DPF3: variants seen among roughly 807,000 people sequenced by gnomAD.
The protein encoded by DPF3 is zinc finger protein DPF3.
Under a neutral mutation model 56.8 loss-of-function variants are expected in DPF3, and 18 were observed. That is an observed-to-expected ratio of 0.32 (90% CI 0.22 to 0.47). DPF3 has a LOEUF of 0.47. DPF3 is among the 20% of genes least tolerant of loss of function. The pLI, the probability that DPF3 is intolerant of heterozygous loss-of-function variation, is 1.00. For missense variants in DPF3, 403 were observed against 488.8 expected (o/e 0.82, Z 1.65); for synonymous variants, 188 against 180.2 (o/e 1.04, Z -0.35).
chr14:72,874,454 A>G (rs1175993976), intron 1 of DPF3, among the ~76,000 whole-genome samples: 1 of 151,800 alleles, frequency 6.6e-6, no homozygotes, highest in Non-Finnish European at 1.5e-5. Context: ...ACTCCAGCCT[A>G]GGCAACAGAG....
chr14:72,892,021 C>A, intron 1 of DPF3: 1 of 1,228,296 alleles, frequency 8.1e-7, no homozygotes, highest in Non-Finnish European at 1.1e-6. Flanking sequence ...CCCAAACACG[C>A]ACCCTACTGT....
chr14:72,651,206 C>T lies in DPF3; in HGVS notation c.872-21470G>A, dbSNP rs114659460. ...TGAGGGAGGTGGCCCAGGATGGGGG[C>T]GGGCAGGGGGTCTGGAATCTTGGCA... On this transcript the variant is annotated intron_variant, in intron 8 of 10. Transcript: ENST00000556509. 5.0e-3 allele frequency among the ~76,000 whole-genome samples: 761 copies of T among 152,288 alleles called. 5 individuals are homozygous for T. The highest frequency in any genetic ancestry group is 0.017 in the African/African-American group (712 of 41,558).
chr14:72,769,226 G>GGTCT (rs1190835065), intron 2 of DPF3, among the ~76,000 whole-genome samples: 3 of 152,110 alleles, frequency 2.0e-5, no homozygotes, highest in African/African-American at 7.2e-5. Context: ...ACAGCACTGC[G>GGTCT]GTCTCTAAGT....
intron 4 of DPF3, among the ~76,000 whole-genome samples, chr14:72,730,638 ATAAAT>A (rs977222291): frequency 4.0e-5 from 6 of 151,760 alleles, no homozygotes; most frequent in Non-Finnish European, 8.8e-5. Flanking sequence ...TGTAGTTTTA[ATAAAT>A]TAATATATAA....
intron 7 of DPF3, among the ~76,000 whole-genome samples, chr14:72,691,588 G>T (rs958364243): frequency 6.6e-6 from 1 of 152,096 alleles, no homozygotes; most frequent in African/African-American, 2.4e-5. Flanking sequence ...TTAGCTGGGG[G>T]TGGTGATGAG....
chr14:72,829,119 C>T (rs1184296659), intron 1 of DPF3, among the ~76,000 whole-genome samples: 1 of 152,198 alleles, frequency 6.6e-6, no homozygotes, highest in African/African-American at 2.4e-5. Flanking sequence ...CTGCCTCATT[C>T]ACATTGATCA....
At chr14:72,687,795 G>A (rs1887476129) in intron 7 of DPF3, among the ~76,000 whole-genome samples, 1 of 152,136 alleles carries the variant, frequency 6.6e-6, no homozygotes, top group Non-Finnish European at 1.5e-5. Context: ...GTATGCACCA[G>A]AATGCCCTGG....
intron 8 of DPF3, among the ~76,000 whole-genome samples, chr14:72,656,255 G>A (rs1362443331): frequency 6.6e-6 from 1 of 152,184 alleles, no homozygotes; most frequent in Non-Finnish European, 1.5e-5. Context: ...ACACAGTGGT[G>A]TCAAATATTA....
At chr14:72,730,269 G>T (rs1010549276) in intron 4 of DPF3, among the ~76,000 whole-genome samples, 1 of 152,028 alleles carries the variant, frequency 6.6e-6, no homozygotes, top group Non-Finnish European at 1.5e-5. Flanking sequence ...TGAGCAGGAT[G>T]TCAGGTGTGA....
chr14:72,731,308 G>A (rs1257793586), intron 4 of DPF3: 1 of 160,748 alleles, frequency 6.2e-6, no homozygotes, highest in African/African-American at 2.4e-5. Context: ...TGAAGGGTGA[G>A]GACGGCATGG....
intron 8 of DPF3, among the ~76,000 whole-genome samples, chr14:72,657,717 C>T (rs899133708): frequency 5.9e-5 from 9 of 152,270 alleles, no homozygotes; most frequent in African/African-American, 2.2e-4. Context: ...CCAAATCTGG[C>T]CAACTGCTTA....
intron 1 of DPF3, among the ~76,000 whole-genome samples, chr14:72,785,948 C>T (rs1436872227): frequency 6.6e-6 from 1 of 152,302 alleles, no homozygotes; most frequent in South Asian, 2.1e-4. Flanking sequence ...TAGTCTGGTG[C>T]CTGGTTTTAT....
chr14:72,731,131 C>T (rs1889622826), intron 4 of DPF3, among the ~76,000 whole-genome samples: 1 of 152,122 alleles, frequency 6.6e-6, no homozygotes, highest in African/African-American at 2.4e-5. Flanking sequence ...GAGATCATGC[C>T]ACTGCACTCC....
At chr14:72,807,868 G>A (rs945451464) in intron 1 of DPF3, among the ~76,000 whole-genome samples, 3 of 152,184 alleles carry the variant, frequency 2.0e-5, no homozygotes, top group Non-Finnish European at 4.4e-5. Context: ...AGGAGGCTGA[G>A]GCAGGAAGAT....
intron 1 of DPF3, among the ~76,000 whole-genome samples, chr14:72,830,788 C>T (rs1884019823): frequency 6.6e-6 from 1 of 152,176 alleles, no homozygotes; most frequent in Non-Finnish European, 1.5e-5. Flanking sequence ...TAAACACTTA[C>T]CAAATGGACA....
At chr14:72,737,075 G>A (rs1255349829) in intron 3 of DPF3, among the ~76,000 whole-genome samples, 1 of 151,744 alleles carries the variant, frequency 6.6e-6, no homozygotes, top group Admixed American at 6.6e-5. Flanking sequence ...ACCAGAGACA[G>A]CTTCTGTGCA....
chr14:72,654,853 A>G (rs554323985), intron 8 of DPF3, among the ~76,000 whole-genome samples: 2 of 152,340 alleles, frequency 1.3e-5, no homozygotes, highest in South Asian at 4.1e-4. Context: ...AAAGAAAACC[A>G]GTAACTGGAG....
At chr14:72,653,399 C>T (rs1885973070) in intron 8 of DPF3, among the ~76,000 whole-genome samples, 1 of 152,194 alleles carries the variant, frequency 6.6e-6, no homozygotes, top group Non-Finnish European at 1.5e-5. Context: ...GCCTCAGGGG[C>T]CAGCGAGGAG....
chr14:72,764,481 G>GTTTT (rs1567225427), intron 2 of DPF3, among the ~76,000 whole-genome samples: 1 of 101,534 alleles, frequency 9.8e-6, no homozygotes, highest in African/African-American at 4.1e-5. Context: ...ATTTTCCTGA[G>GTTTT]TTGTTTTTTT....
Sources: gnomAD v4.1 joint callset for allele counts (sites outside exome capture counted in the v4.1 genomes callset) on GRCh38, gnomAD v4.1.1 for gene constraint, MANE v1.5 for transcripts, NCBI Gene and HGNC (gene_info 2026-07-23, HGNC 2026-07-21) for gene names.